The following NFIB variants were observed in gnomAD, a reference collection of about 807,000 sequenced individuals.
The protein encoded by NFIB is nuclear factor 1 B-type.
In NFIB, 11 loss-of-function variants were observed where a neutral mutation model predicts 61.5. The observed-to-expected ratio is 0.18, with a 90% CI of 0.11 to 0.30. The LOEUF is 0.30. NFIB is among the 10% of genes least tolerant of loss of function. The pLI, the probability that NFIB is intolerant of heterozygous loss-of-function variation, is 1.00. For synonymous variants in NFIB, 260 were observed against 216.5 expected (o/e 1.20, Z -1.76); for missense variants, 471 against 608.9 (o/e 0.77, Z 2.38).
At chr9:14,250,199 G>A (rs758301315) in intron 2 of NFIB, among the ~76,000 whole-genome samples, 2 of 152,174 alleles carry the variant, frequency 1.3e-5, no homozygotes, top group Non-Finnish European at 2.9e-5. Flanking sequence ...CTTTTGTGCT[G>A]AGTCAAGGAA....
At chr9:14,347,803 G>A (rs1186790622) in intron 1 of NFIB, among the ~76,000 whole-genome samples, 1 of 152,158 alleles carries the variant, frequency 6.6e-6, no homozygotes. Context: ...GGCTCAGGGC[G>A]GTAGAGGGCA....
At chr9:14,133,665 C>T (rs2040665622) in intron 6 of NFIB, among the ~76,000 whole-genome samples, 1 of 152,020 alleles carries the variant, frequency 6.6e-6, no homozygotes, top group Admixed American at 6.6e-5. Context: ...CTGTTTTTGC[C>T]CTGGGATAAA....
At chr9:14,417,254 A>C in the NFIB span, among the ~76,000 whole-genome samples, 2 of 152,176 alleles carry the variant, frequency 1.3e-5, no homozygotes, top group Non-Finnish European at 2.9e-5. Flanking sequence ...TTAGGTACAC[A>C]AATACTTACC....
chr9:14,321,875 G>T, intron 1 of NFIB: 1 of 1,231,000 alleles, frequency 8.1e-7, no homozygotes. Flanking sequence ...CTGTGCCAGG[G>T]ATAGGAGGGG....
intron 2 of NFIB, among the ~76,000 whole-genome samples, chr9:14,265,623 C>G (rs1402940407): frequency 6.6e-6 from 1 of 152,134 alleles, no homozygotes; most frequent in Non-Finnish European, 1.5e-5. Flanking sequence ...GTTATGGCAG[C>G]CCAAGTTGAC....
chr9:14,297,698 G>T (rs2059525082), intron 2 of NFIB, among the ~76,000 whole-genome samples: 1 of 152,144 alleles, frequency 6.6e-6, no homozygotes, highest in Admixed American at 6.5e-5. Flanking sequence ...CGCAAGTAAG[G>T]AAATGTACAT....
intron 1 of NFIB, among the ~76,000 whole-genome samples, chr9:14,367,057 A>G (rs575204278): frequency 6.6e-6 from 1 of 152,300 alleles, no homozygotes; most frequent in South Asian, 2.1e-4. Context: ...GTAAGAGTCC[A>G]CTAACCCTGA....
At chr9:14,398,810 T>C in exon 1 of NFIB, 2 of 516,928 alleles carry the variant, frequency 3.9e-6, no homozygotes, top group Non-Finnish European at 6.8e-6. Context: ...CAGAGCAAGC[T>C]GTTAAAAACA....
At chr9:14,325,905 A>T (rs998719696) in intron 1 of NFIB, among the ~76,000 whole-genome samples, 1 of 152,174 alleles carries the variant, frequency 6.6e-6, no homozygotes, top group Non-Finnish European at 1.5e-5. Context: ...AAACAATTGG[A>T]TAACTATTTT....
the NFIB span, among the ~76,000 whole-genome samples, chr9:14,526,415 G>A: frequency 6.6e-6 from 1 of 152,100 alleles, no homozygotes; most frequent in Non-Finnish European, 1.5e-5. Context: ...TCTTTGCTAA[G>A]CATTTAAAAT....
chr9:14,344,176 C>G (rs190194774), intron 1 of NFIB, among the ~76,000 whole-genome samples: 5 of 150,220 alleles, frequency 3.3e-5, no homozygotes, highest in Admixed American at 6.6e-5. Context: ...CAAGTGAAAG[C>G]AAAAACAACA....
intron 3 of NFIB, among the ~76,000 whole-genome samples, chr9:14,162,603 A>T (rs1186303929): frequency 6.6e-6 from 1 of 152,024 alleles, no homozygotes; most frequent in Non-Finnish European, 1.5e-5. Context: ...AATGGTTTTG[A>T]TCATTGTCCC....
chr9:14,225,349 T>C (rs370690879), intron 2 of NFIB, among the ~76,000 whole-genome samples: 24 of 148,892 alleles, frequency 1.6e-4, no homozygotes, highest in Non-Finnish European at 2.4e-4. Context: ...AGGTGCTACT[T>C]GGGAGGCTGA....
At position 14,332,705 on chromosome 9, in the gene NFIB, ACGT is replaced by A. The variant is rs148594104; in HGVS notation, c.109-25188_109-25186del. Reference sequence around the variant, plus strand: ...GAGTGTTAGTCATCTATTGAAGAAGACGTCGTCACTTATCAGGCAACAAGTGAA... The same window carrying A: ...GAGTGTTAGTCATCTATTGAAGAAGACGTCACTTATCAGGCAACAAGTGAA... On this transcript the variant is annotated intron_variant, in intron 1 of 8. Coordinates refer to the NFIB transcript ENST00000380934. 4.6e-3 allele frequency among the ~76,000 whole-genome samples: 706 copies of A among 152,332 alleles called. 6 individuals carry two copies. Among genetic ancestry groups the A allele is most frequent in the Non-Finnish European group, 7.0e-3 (479 of 68,034 alleles).
At position 14,349,220 on chromosome 9, in the gene NFIB, C is replaced by T. The variant is rs531004731; in HGVS notation, c.109-41700G>A. ...TGTTGGGAGAATTTTTGGAAGCTAG[C>T]GGGGTGGGGGTTTGGTCTCGCATGC... On this transcript the variant is annotated intron_variant, in intron 1 of 8. Transcript: ENST00000380934. Among the ~76,000 whole-genome samples the T allele has an allele frequency of 3.3e-5, 5 of 152,224 alleles. No homozygotes were observed. The East Asian group carries it at 5.8e-4, about 18-fold the overall frequency.
intron 2 of NFIB, among the ~76,000 whole-genome samples, chr9:14,287,613 C>T (rs940095396): frequency 5.3e-5 from 8 of 151,654 alleles, no homozygotes; most frequent in South Asian, 4.2e-4. Flanking sequence ...TTAGTAGAGA[C>T]GGGGTTTCAC....
At chr9:14,483,750 G>A in the NFIB span, among the ~76,000 whole-genome samples, 1 of 152,196 alleles carries the variant, frequency 6.6e-6, no homozygotes, top group African/African-American at 2.4e-5. Context: ...AAAGCACATG[G>A]CTATGGTTCC....
intron 2 of NFIB, among the ~76,000 whole-genome samples, chr9:14,242,623 G>A (rs1056521138): frequency 6.6e-6 from 1 of 152,218 alleles, no homozygotes; most frequent in Non-Finnish European, 1.5e-5. Context: ...TGCTGAAGCA[G>A]ATGACAGATG....
At chr9:14,217,216 T>A (rs2051028549) in intron 2 of NFIB, among the ~76,000 whole-genome samples, 2 of 152,186 alleles carry the variant, frequency 1.3e-5, no homozygotes, top group South Asian at 4.1e-4. Context: ...CTTTTATATA[T>A]GTTATATGCA....
Sources: allele counts gnomAD v4.1 joint callset (sites outside exome capture counted in the v4.1 genomes callset), GRCh38; gene constraint gnomAD v4.1.1; transcripts MANE v1.5; gene names NCBI Gene and HGNC (gene_info 2026-07-23, HGNC 2026-07-21).